Variants in EPS15 observed in about 807,000 individuals in gnomAD.
The protein encoded by EPS15 is epidermal growth factor receptor pathway substrate 15, also known as epidermal growth factor receptor substrate 15.
Under a neutral mutation model 113.8 loss-of-function variants are expected in EPS15, and 72 were observed. That is an observed-to-expected ratio of 0.63 (90% confidence interval 0.52 to 0.77). The LOEUF (loss-of-function observed/expected upper bound fraction) is 0.77. Among genes scored for constraint, EPS15 ranks in the 30% least tolerant of loss-of-function variants. The pLI is 0.00. For missense variants in EPS15, 1,048 were observed against 1,045.8 expected, an observed-to-expected ratio of 1.00 and a Z score of -0.03; for synonymous variants, 344 against 363.4, an observed-to-expected ratio of 0.95 and a Z score of 0.61.
At chr1:51,393,357 C>T (rs1330899244) in intron 21 of EPS15, among the ~76,000 whole-genome samples, 1 of 152,116 alleles carries the variant, frequency 6.6e-6, no homozygotes, top group Non-Finnish European at 1.5e-5. Context: ...TTATAGGCAC[C>T]CACCACCATA....
chr1:51,509,660 C>T (rs565996936), intron 1 of EPS15, among the ~76,000 whole-genome samples: 3 of 152,308 alleles, frequency 2.0e-5, no homozygotes, highest in Admixed American at 2.0e-4. Flanking sequence ...ATGATGTACA[C>T]TAACCTAGAC....
At chr1:51,474,855 C>T (rs1462212529) in intron 2 of EPS15, among the ~76,000 whole-genome samples, 14 of 141,164 alleles carry the variant, frequency 9.9e-5, no homozygotes, top group African/African-American at 3.2e-4. Context: ...CAAAAGGCCA[C>T]GGTGTGTGAT....
At chr1:51,395,505 T>C (rs1647840494) in intron 20 of EPS15, among the ~76,000 whole-genome samples, 1 of 150,760 alleles carries the variant, frequency 6.6e-6, no homozygotes, top group African/African-American at 2.4e-5. Flanking sequence ...AGAAAACACA[T>C]ATACACACAT....
chr1:51,494,446 T>G (rs1433532683), intron 1 of EPS15, among the ~76,000 whole-genome samples: 1 of 152,238 alleles, frequency 6.6e-6, no homozygotes, highest in Non-Finnish European at 1.5e-5. Flanking sequence ...GCCAATAACC[T>G]AAATTCCCTT....
At chr1:51,385,755 T>C (rs77312429) in intron 21 of EPS15, among the ~76,000 whole-genome samples, 4,858 of 152,296 alleles carry the variant, frequency 0.032, 125 homozygotes, top group Non-Finnish European at 0.05. Context: ...TTATACCATA[T>C]GGATGAACCT....
chr1:51,494,784 G>A (rs989505771), intron 1 of EPS15, among the ~76,000 whole-genome samples: 5 of 152,290 alleles, frequency 3.3e-5, no homozygotes, highest in East Asian at 3.9e-4. Flanking sequence ...GTATGTCTGC[G>A]TTCAAATTTC....
intron 13 of EPS15, among the ~76,000 whole-genome samples, chr1:51,420,269 A>AT (rs1216122918): frequency 6.6e-6 from 1 of 152,156 alleles, no homozygotes; most frequent in Non-Finnish European, 1.5e-5. Flanking sequence ...ATGTTCAGGG[A>AT]TAGCCTATTT....
intron 23 of EPS15, among the ~76,000 whole-genome samples, chr1:51,363,297 CAAA>C (rs34317809): frequency 9.1e-5 from 7 of 76,748 alleles, no homozygotes; most frequent in Admixed American, 1.5e-4. Context: ...GATTCCATCT[CAAA>C]AAAAAAAAAA....
At chr1:51,361,715 A>C (rs1311163027) in intron 23 of EPS15, among the ~76,000 whole-genome samples, 2 of 152,196 alleles carry the variant, frequency 1.3e-5, no homozygotes, top group Non-Finnish European at 2.9e-5. Context: ...ATAAAGAATA[A>C]AGACAGAAAT....
chr1:51,401,130 A>G (rs1268099259), intron 18 of EPS15, 177 bp from the exon 19 acceptor site: 1 of 460,046 alleles, frequency 2.2e-6, no homozygotes, highest in East Asian at 3.6e-5. Flanking sequence ...AACTATACTT[A>G]CCTTGATCAC....
In EPS15 at chr1:51,365,963, G is replaced by A. The variant is rs1467381702; in HGVS notation, c.2186C>T (p.Thr729Ile). 1.2e-6 allele frequency: 2 copies of A among 1,608,214 alleles called. No homozygotes were observed. Among genetic ancestry groups the A allele is most frequent in the Non-Finnish European group, 1.7e-6 (2 of 1,175,318 alleles). Residue 729 changes from threonine to isoleucine, a missense_variant, in exon 22 of 25, where the codon ACA becomes ATA. Physicochemically the swap from Thr to Ile is moderately conservative, Grantham distance 89. Coordinates refer to ENST00000371733, the MANE Select transcript of EPS15 (RefSeq NM_001981.3). ...SFGGGFADFSTLSKVNNEDPF... is the reference protein window; with the variant it reads ...SFGGGFADFSILSKVNNEDPF... ...ATTACTGTAGATTACCTTTGACAAT[G>A]TGCTGAAGTCAGCAAATCCACCTCC...
intron 1 of EPS15, among the ~76,000 whole-genome samples, chr1:51,485,926 T>A (rs1213962313): frequency 2.0e-5 from 3 of 151,868 alleles, no homozygotes; most frequent in Non-Finnish European, 4.4e-5. Flanking sequence ...GCCTCCCAAG[T>A]AGCTGGGATT....
chr1:51,399,645 G>C (rs1235078017), intron 19 of EPS15, among the ~76,000 whole-genome samples: 1 of 151,792 alleles, frequency 6.6e-6, no homozygotes, highest in African/African-American at 2.4e-5. Context: ...GATGACTTGA[G>C]CTCAGGAGTT....
At chr1:51,382,678 C>CA (rs1646969692) in intron 21 of EPS15, among the ~76,000 whole-genome samples, 1 of 152,166 alleles carries the variant, frequency 6.6e-6, no homozygotes, top group Non-Finnish European at 1.5e-5. Flanking sequence ...CTCAGCCTCC[C>CA]AAAGTGCTGG....
intron 6 of EPS15, 80 bp downstream of exon 6, chr1:51,465,181 T>C (rs372638056): frequency 2.0e-4 from 172 of 850,120 alleles, no homozygotes; most frequent in Middle Eastern, 2.3e-4. Context: ...CTAATGAAGA[T>C]AGCAATATAT....
chr1:51,507,662 G>GAA (rs34305972), intron 1 of EPS15, among the ~76,000 whole-genome samples: 1 of 125,670 alleles, frequency 8.0e-6, no homozygotes. Context: ...CTCCATCTCA[G>GAA]AAAAAAAAAA....
chr1:51,399,277 G>T, intron 19 of EPS15, 112 bp from the exon 20 acceptor site: 1 of 971,178 alleles, frequency 1.0e-6, no homozygotes, highest in Non-Finnish European at 1.5e-6. Flanking sequence ...GGGGCCAGGT[G>T]CAGTGGCTCA....
rs189882998 is a variant in EPS15, at chr1:51,500,908, C to T, written c.33+18291G>A. ...CTGAGGGAGGAGAATCACTTGAACC[C>T]GGGAGGTGGAGGCTGAAGTGAGCCA... On this transcript the variant is annotated intron_variant, in intron 1 of 24. Transcript: ENST00000371733. Among the ~76,000 whole-genome samples the T allele has an allele frequency of 1.2e-3, 186 of 151,060 alleles. 1 individual carries two copies. The South Asian group carries it at 0.019, about 16-fold the overall frequency.
chr1:51,415,924 A>C (rs1428693405), intron 13 of EPS15, among the ~76,000 whole-genome samples: 2 of 152,062 alleles, frequency 1.3e-5, no homozygotes, highest in Admixed American at 1.3e-4. Context: ...AACTCATGCA[A>C]ATATACATGC....
Sources: gnomAD v4.1 joint callset for allele counts (sites outside exome capture counted in the v4.1 genomes callset) on GRCh38, gnomAD v4.1.1 for gene constraint, MANE v1.5 for transcripts, NCBI Gene and HGNC (gene_info 2026-07-23, HGNC 2026-07-21) for gene names.